ADAMTSL2: variants seen among roughly 807,000 people sequenced by gnomAD.
ADAMTSL2 encodes ADAMTS-like protein 2.
Under a neutral mutation model 117.0 loss-of-function variants are expected in ADAMTSL2, and 55 were observed. The ratio of observed to expected loss-of-function variants is 0.47; its 90% confidence interval spans 0.38 to 0.59. ADAMTSL2 has a LOEUF of 0.59. ADAMTSL2 is among the 20% of genes least tolerant of loss of function. The pLI is 0.00. For synonymous variants in ADAMTSL2, 572 were observed against 566.4 expected (o/e 1.01, Z -0.14); for missense variants, 1,182 against 1,354.5 (o/e 0.87, Z 2.00).
chr9:133,566,356 G>A (rs1314374804), intron 12 of ADAMTSL2, among the ~76,000 whole-genome samples: 1 of 152,208 alleles, frequency 6.6e-6, no homozygotes, highest in African/African-American at 2.4e-5. Context: ...CAGGAGAATT[G>A]CTTGAACCCA....
chr9:133,534,588 G>A, upstream of ADAMTSL2: 1 of 1,198,828 alleles, frequency 8.3e-7, no homozygotes, highest in Non-Finnish European at 1.1e-6. Context: ...CGCAGAGCGG[G>A]TTAAAGTGTG....
At chr9:133,569,357 T>C (rs1031626177) in intron 15 of ADAMTSL2, 51 bp from the exon 16 acceptor site, 1 of 1,593,976 alleles carries the variant, frequency 6.3e-7, no homozygotes, top group African/African-American at 1.3e-5. Flanking sequence ...GGGCCCCTCC[T>C]GGTGTGGCTG....
intron 17 of ADAMTSL2, among the ~76,000 whole-genome samples, chr9:133,570,825 C>T (rs7466430): frequency 0.3 from 45,264 of 152,062 alleles, 7,047 homozygotes; most frequent in Middle Eastern, 0.41. Context: ...CCGGACACCG[C>T]GGGACAGACA....
intron 7 of ADAMTSL2, among the ~76,000 whole-genome samples, chr9:133,542,157 G>C (rs1830239858): frequency 6.6e-6 from 1 of 152,214 alleles, no homozygotes; most frequent in African/African-American, 2.4e-5. Flanking sequence ...ACTGTGGCGT[G>C]AGTGTTGGCT....
At position 133,536,730 on chromosome 9, in the gene ADAMTSL2, A is replaced by G. The variant is rs757677138; in HGVS notation, c.18A>G (p.Gln6=). Residue 6 remains glutamine (Q), a synonymous_variant, in exon 2 of 19, where the codon CAA becomes CAG. Transcript: ENST00000651351. MDGRW[Q]CSCWAWFLLV... Reference sequence around the variant, plus strand: ...TTCCTAGGATGGATGGCAGATGGCAATGTTCCTGCTGGGCCTGGTTCCTGC... The same window carrying G: ...TTCCTAGGATGGATGGCAGATGGCAGTGTTCCTGCTGGGCCTGGTTCCTGC... The G allele has an allele frequency of 2.8e-5, 46 of 1,614,078 alleles. No individual in the cohort carries two copies. The highest frequency in any genetic ancestry group is 3.3e-4 in the Middle Eastern group (2 of 6,084).
intron 12 of ADAMTSL2, among the ~76,000 whole-genome samples, chr9:133,562,537 C>T (rs1830756048): frequency 8.4e-6 from 1 of 119,040 alleles, no homozygotes; most frequent in African/African-American, 3.3e-5. Context: ...CCCGGCTGGG[C>T]CCGGCTCGCA....
chr9:133,563,425 G>A (rs1285984632), intron 12 of ADAMTSL2, among the ~76,000 whole-genome samples: 1 of 151,996 alleles, frequency 6.6e-6, no homozygotes, highest in Non-Finnish European at 1.5e-5. Flanking sequence ...AAGCGTGTGG[G>A]CGTTGTCAGT....
rs893628303 is a variant in ADAMTSL2 at position 133,557,593 on chromosome 9, G to A, written c.1649+1663G>A. ...GGACGGACCCAGACAGTGCCTGCCT[G>A]TGGGAACGGCACTACTCAAGGCTGC... On this transcript the variant is annotated intron_variant, in intron 11 of 18. Coordinates refer to ENST00000651351, the MANE Select transcript of ADAMTSL2 (RefSeq NM_014694.4). This position sits in a 1 kb window ranked among gnomAD's most constrained non-coding sequence, Gnocchi z 5.2. 1.2e-4 allele frequency among the ~76,000 whole-genome samples: 18 copies of A among 152,196 alleles called. No homozygotes were observed. The highest frequency in any genetic ancestry group is 1.3e-4 in the Non-Finnish European group (9 of 68,014).
chr9:133,546,255 C>T (rs1487995545), intron 8 of ADAMTSL2, among the ~76,000 whole-genome samples: 1 of 152,268 alleles, frequency 6.6e-6, no homozygotes, highest in Non-Finnish European at 1.5e-5. Context: ...GTGGGGGCTG[C>T]AGGGCTTCAT....
Position 133,574,810 on chromosome 9 carries a change from G to A in ADAMTSL2, c.2802G>A (p.Gly934=). The change falls in exon 19 of 19, where the codon GGG becomes GGA. Residue 934 remains glycine (G), a synonymous_variant. Coordinates refer to ENST00000651351, the MANE Select transcript of ADAMTSL2 (RefSeq NM_014694.4). Reference sequence around the variant, plus strand: ...TGGCCATCAAAGTGAACCTCTGCGGGCACTGGTACTACAGCAAGGCGTGCT... The same window carrying A: ...TGGCCATCAAAGTGAACCTCTGCGGACACTGGTACTACAGCAAGGCGTGCT... ...CALAIKVNLC[G]HWYYSKACCR... is the part of the protein sequence containing the mutation. 6.2e-7 allele frequency: 1 copy of A among 1,613,704 alleles called. No homozygotes were observed. The highest frequency in any genetic ancestry group is 1.1e-5 in the South Asian group (1 of 91,086).
intron 13 of ADAMTSL2, among the ~76,000 whole-genome samples, chr9:133,567,396 AG>A (rs1830999779): frequency 6.6e-6 from 1 of 152,240 alleles, no homozygotes; most frequent in African/African-American, 2.4e-5. Context: ...TATAAACTCA[AG>A]GGATTATTCC....
At chr9:133,574,476 G>T (rs1428612095) in intron 18 of ADAMTSL2, among the ~76,000 whole-genome samples, 1 of 152,142 alleles carries the variant, frequency 6.6e-6, no homozygotes, top group Non-Finnish European at 1.5e-5. Flanking sequence ...AACCCTTGGG[G>T]ATGCTTAGGC....
chr9:133,554,288 G>A lies in ADAMTSL2; in HGVS notation c.940-69G>A. 1 of 1,392,184 alleles carries A rather than the reference G, an allele frequency of 7.2e-7. No individual in the cohort carries two copies. The highest frequency in any genetic ancestry group is 9.7e-7 in the Non-Finnish European group (1 of 1,027,936). The allele number at this position is 1,392,184 out of a possible 1,614,324, so 86.2% of individuals were successfully genotyped here. On this transcript the variant is annotated intron_variant, in intron 9 of 18. Transcript: ENST00000651351. This position sits in a 1 kb window ranked among gnomAD's most constrained non-coding sequence, Gnocchi z 5.2. ...GGGAACGCACCCTGCAGCTCTGTGG[G>A]AAGGGGATTGGTGGGGAAGGGGCTG...
rs1830661386 is a variant in ADAMTSL2, at chr9:133,558,655, T to C, written c.1650-2543T>C. 6.6e-6 allele frequency among the ~76,000 whole-genome samples: 1 copy of C among 152,188 alleles called. No individual in the cohort carries two copies. The highest frequency in any genetic ancestry group is 2.4e-5 in the African/African-American group (1 of 41,440). ...GGCCGGGCATCTGGGCGAAGGACCC[T>C]GAGGAGTGACAGGTGGTCTGGTGGT... On this transcript the variant is annotated intron_variant, in intron 11 of 18. Coordinates refer to ENST00000651351, the MANE Select transcript of ADAMTSL2 (RefSeq NM_014694.4). The surrounding 1 kb of genome is among the most constrained non-coding windows in gnomAD (Gnocchi z 4.3).
chr9:133,553,088 G>A lies in ADAMTSL2; in HGVS notation c.940-1269G>A, dbSNP rs369824201. 2.0e-4 allele frequency among the ~76,000 whole-genome samples: 31 copies of A among 152,280 alleles called. 1 individual carries two copies. The highest frequency in any genetic ancestry group is 1.0e-3 in the South Asian group (5 of 4,820). Reference sequence around the variant, plus strand: ...GCAGGCCAGCTCCTGTGGGAGGCCCGCGTGGCCGTGAAGGCAGAGGTCTCT... The same window carrying A: ...GCAGGCCAGCTCCTGTGGGAGGCCCACGTGGCCGTGAAGGCAGAGGTCTCT... On this transcript the variant is annotated intron_variant, in intron 9 of 18. Transcript: ENST00000651351.
At chr9:133,546,962 G>A in intron 8 of ADAMTSL2, 76 bp from the exon 9 acceptor site, 1 of 1,472,262 alleles carries the variant, frequency 6.8e-7, no homozygotes, top group Non-Finnish European at 9.5e-7. Context: ...GGCTGGTGGT[G>A]GTTCCCTGAG....
Position 133,537,514 on chromosome 9 carries a change from T to G in ADAMTSL2, c.200T>G (p.Val67Gly), listed in dbSNP as rs1588274801. The change falls in exon 3 of 19, where the codon GTG (valine) becomes GGG (glycine). Residue 67 changes from valine to glycine, a missense_variant. By Grantham distance (109) the Val-to-Gly change is moderately radical. Around this residue, in one of 3 missense-constraint regions of ADAMTSL2, gnomAD observed 372 missense variants for 463.4 expected, o/e 0.80. Transcript: ENST00000651351. ...TGTTCCCGCAGTTGCGGGGGTGGGG[T>G]GACATCCCAGGAGCGGCACTGCCTG... ...TACSRSCGGG[V>G]TSQERHCLQQ... 1 of 1,348,840 alleles carries G rather than the reference T, an allele frequency of 7.4e-7. No homozygotes were observed. The highest frequency in any genetic ancestry group is 9.6e-7 in the Non-Finnish European group (1 of 1,041,642). The allele number at this position is 1,348,840 out of a possible 1,614,324, so 83.6% of individuals were successfully genotyped here.
At chr9:133,566,614 T>G (rs1203873051) in intron 12 of ADAMTSL2, among the ~76,000 whole-genome samples, 1 of 145,034 alleles carries the variant, frequency 6.9e-6, no homozygotes, top group Non-Finnish European at 1.5e-5. Flanking sequence ...CGCCTGGCGA[T>G]GGGGGACACC....
intron 12 of ADAMTSL2, among the ~76,000 whole-genome samples, chr9:133,564,707 G>GGA (rs1205702337): frequency 2.4e-3 from 280 of 116,062 alleles, no homozygotes; most frequent in Admixed American, 4.1e-3. Context: ...AGAGAGAGAA[G>GGA]GAGAGAGAGA....
Sources: gnomAD v4.1 joint callset for allele counts (sites outside exome capture counted in the v4.1 genomes callset) on GRCh38, gnomAD v4.1.1 for gene constraint, gnomAD v4.1.1 regional missense constraint, Gnocchi (gnomAD v3.1) non-coding constraint, MANE v1.5 for transcripts, NCBI Gene and HGNC (gene_info 2026-07-23, HGNC 2026-07-21) for gene names.